Variants in CSGALNACT1 observed in about 807,000 individuals in gnomAD.
CSGALNACT1 encodes beta4GalNAcT-1.
CSGALNACT1 carries 52 observed loss-of-function variants against 51.0 expected under a neutral mutation model. The ratio of observed to expected loss-of-function variants is 1.02; its 90% CI spans 0.82 to 1.29. The LOEUF (loss-of-function observed/expected upper bound fraction) is 1.29. Ranked by LOEUF, CSGALNACT1 falls within the 50% of genes most tolerant of loss-of-function variation. The pLI is 0.00. For synonymous variants in CSGALNACT1, 341 were observed against 254.4 expected (o/e 1.34, Z -3.24); for missense variants, 935 against 679.2 (o/e 1.38, Z -4.19).
intron 5 of CSGALNACT1, 53 bp downstream of exon 4, chr8:19,458,373 G>T: frequency 7.3e-7 from 1 of 1,365,946 alleles, no homozygotes; most frequent in Non-Finnish European, 1.0e-6. Flanking sequence ...AATGATATCA[G>T]TGTTCTAACA....
intron 1 of CSGALNACT1, among the ~76,000 whole-genome samples, chr8:19,690,776 T>C (rs1248613889): frequency 6.6e-6 from 1 of 152,236 alleles, no homozygotes; most frequent in Non-Finnish European, 1.5e-5. Context: ...CCTGCAAGCC[T>C]AGGTCTTCCT....
In CSGALNACT1 at chr8:19,658,133, C is replaced by A. The variant is rs1298840009; in HGVS notation, c.-544+24340G>T. 1.2e-4 allele frequency among the ~76,000 whole-genome samples: 17 copies of A among 146,832 alleles called. No homozygotes were observed. The Admixed American group carries it at 1.2e-3, about 10-fold the overall frequency. The stretch of plus-strand genomic sequence containing the variant: ...CAATGTGATAGATTTGGAGATGGGG[C>A]CTTTGGAAAGTGATTAGGGCTAGAT... On this transcript the variant is annotated intron_variant, in intron 1 of 9. Coordinates refer to the CSGALNACT1 transcript ENST00000332246.
chr8:19,604,388 C>G (rs1315393421), upstream of CSGALNACT1, among the ~76,000 whole-genome samples: 4 of 152,178 alleles, frequency 2.6e-5, no homozygotes, highest in Non-Finnish European at 5.9e-5. Flanking sequence ...TGAACTCATT[C>G]CAACCACAAC....
chr8:19,427,182 T>A (rs1027231795), intron 6 of CSGALNACT1, among the ~76,000 whole-genome samples: 3 of 152,174 alleles, frequency 2.0e-5, no homozygotes, highest in African/African-American at 7.2e-5. Context: ...CATTTTTGCC[T>A]TTCCATCGGT....
intron 3 of CSGALNACT1, among the ~76,000 whole-genome samples, chr8:19,513,009 A>G (rs2078744504): frequency 6.6e-6 from 1 of 152,170 alleles, no homozygotes; most frequent in Non-Finnish European, 1.5e-5. Context: ...ACGGCAGCAC[A>G]ACCCACCAAG....
At chr8:19,417,210 G>A (rs1477666315) in intron 8 of CSGALNACT1, among the ~76,000 whole-genome samples, 1 of 152,114 alleles carries the variant, frequency 6.6e-6, no homozygotes, top group African/African-American at 2.4e-5. Context: ...ATAAAGCACA[G>A]ATACAGATAC....
At chr8:19,648,805 C>G (rs1258052465) in intron 1 of CSGALNACT1, among the ~76,000 whole-genome samples, 1 of 151,852 alleles carries the variant, frequency 6.6e-6, no homozygotes, top group African/African-American at 2.4e-5. Flanking sequence ...GACCCTGTCT[C>G]AAAGAAACAA....
chr8:19,748,717 C>A (rs554914543), intron 1 of CSGALNACT1, among the ~76,000 whole-genome samples: 2 of 152,130 alleles, frequency 1.3e-5, no homozygotes, highest in African/African-American at 2.4e-5. Context: ...GTAAACCCAG[C>A]ACTTTGGGAG....
chr8:19,545,004 T>C (rs1588119894), intron 3 of CSGALNACT1, among the ~76,000 whole-genome samples: 1 of 98,092 alleles, frequency 1.0e-5, no homozygotes, highest in South Asian at 3.2e-4. Flanking sequence ...CTTTCAGACA[T>C]TTTTTTTTTT....
chr8:19,421,082 G>A (rs990908899), intron 6 of CSGALNACT1, among the ~76,000 whole-genome samples: 2 of 152,238 alleles, frequency 1.3e-5, no homozygotes, highest in African/African-American at 4.8e-5. Flanking sequence ...GCAGTTAGAA[G>A]AGGACTGTTT....
intron 4 of CSGALNACT1, among the ~76,000 whole-genome samples, chr8:19,477,624 A>C (rs1316280314): frequency 1.3e-5 from 2 of 152,218 alleles, no homozygotes; most frequent in Non-Finnish European, 2.9e-5. Flanking sequence ...AATGGTCTTC[A>C]TATCCCAATT....
intron 3 of CSGALNACT1, among the ~76,000 whole-genome samples, chr8:19,549,535 C>T (rs2087389631): frequency 6.6e-6 from 1 of 152,098 alleles, no homozygotes; most frequent in Non-Finnish European, 1.5e-5. Flanking sequence ...GTCTCTTCAT[C>T]CCCTGGTCCA....
intron 3 of CSGALNACT1, among the ~76,000 whole-genome samples, chr8:19,512,912 G>A (rs1004797495): frequency 2.6e-5 from 4 of 152,304 alleles, no homozygotes; most frequent in Admixed American, 6.5e-5. Context: ...AGAAGTAGCT[G>A]ACTATTACAG....
At chr8:19,571,652 A>T (rs984414621) in intron 3 of CSGALNACT1, among the ~76,000 whole-genome samples, 1 of 152,180 alleles carries the variant, frequency 6.6e-6, no homozygotes, top group Admixed American at 6.5e-5. Context: ...TATCTGAAAA[A>T]AATTATATTG....
intron 5 of CSGALNACT1, among the ~76,000 whole-genome samples, chr8:19,442,162 G>A (rs1161475333): frequency 1.6e-4 from 25 of 152,134 alleles, no homozygotes; most frequent in East Asian, 1.9e-4. Flanking sequence ...TCAGTGTGGC[G>A]ATTCCTCAGG....
At chr8:19,486,648 T>A (rs771471652) in intron 4 of CSGALNACT1, among the ~76,000 whole-genome samples, 5 of 152,174 alleles carry the variant, frequency 3.3e-5, no homozygotes, top group Non-Finnish European at 7.4e-5. Flanking sequence ...TCTGCTCCAA[T>A]ATCACCTACT....
intron 1 of CSGALNACT1, among the ~76,000 whole-genome samples, chr8:19,693,190 A>G (rs1211637118): frequency 1.3e-5 from 2 of 152,078 alleles, no homozygotes; most frequent in African/African-American, 4.8e-5. Flanking sequence ...CTGGAGGACC[A>G]GAGGAAGCCA....
In CSGALNACT1 at chr8:19,661,208, C is replaced by T. The variant is rs549331713; in HGVS notation, c.-544+21265G>A. Among the ~76,000 whole-genome samples the T allele has an allele frequency of 1.4e-4, 21 of 152,198 alleles. No individual in the cohort carries two copies. The South Asian group carries it at 4.1e-3, about 30-fold the overall frequency. On this transcript the variant is annotated intron_variant, in intron 1 of 9. Transcript: ENST00000332246. Reference sequence around the variant, plus strand: ...GGATTAGAGGCGTAAGCCACCACTCCCAGGAGGACCATTCAGTTCTGTCAC... The same window carrying T: ...GGATTAGAGGCGTAAGCCACCACTCTCAGGAGGACCATTCAGTTCTGTCAC...
intron 4 of CSGALNACT1, among the ~76,000 whole-genome samples, chr8:19,467,597 G>A (rs576980893): frequency 2.0e-5 from 3 of 151,734 alleles, no homozygotes; most frequent in Admixed American, 6.6e-5. Flanking sequence ...TGCCAGCCTC[G>A]CGGAGTTCAA....
Sources: allele counts gnomAD v4.1 joint callset (sites outside exome capture counted in the v4.1 genomes callset), GRCh38; gene constraint gnomAD v4.1.1; transcripts MANE v1.5; gene names NCBI Gene and HGNC (gene_info 2026-07-23, HGNC 2026-07-21).